Variants in PIAS1 observed in about 807,000 individuals in gnomAD.
The protein encoded by PIAS1 is protein inhibitor of activated STAT 1.
In PIAS1, 6 loss-of-function variants were observed where a neutral mutation model predicts 71.3. The observed-to-expected ratio is 0.08, with a 90% CI of 0.05 to 0.17. The LOEUF is 0.17. PIAS1 is among the 10% of genes least tolerant of loss of function. The pLI, the probability that PIAS1 is intolerant of heterozygous loss-of-function variation, is 1.00. For synonymous variants in PIAS1, 303 were observed against 292.9 expected (o/e 1.03, Z -0.35); for missense variants, 555 against 793.6 (o/e 0.70, Z 3.61).
chr15:68,074,613 T>C (rs1265031542), intron 1 of PIAS1, among the ~76,000 whole-genome samples: 1 of 152,240 alleles, frequency 6.6e-6, no homozygotes, highest in Non-Finnish European at 1.5e-5. Context: ...ATGATAAACC[T>C]CATATTTTAT....
intron 1 of PIAS1, among the ~76,000 whole-genome samples, chr15:68,060,511 GC>G (rs1158151580): frequency 2.0e-5 from 3 of 152,020 alleles, no homozygotes; most frequent in Non-Finnish European, 4.4e-5. Context: ...TACTCAGGAG[GC>G]TGAGGCAGGA....
At chr15:68,145,995 T>C in intron 5 of PIAS1, 89 bp downstream of exon 5, 1 of 818,902 alleles carries the variant, frequency 1.2e-6, no homozygotes, top group Non-Finnish European at 2.1e-6. Context: ...TAGTTTTTCC[T>C]TAAGAAAACA....
At chr15:68,069,404 C>G (rs1189910327) in intron 1 of PIAS1, among the ~76,000 whole-genome samples, 2 of 152,136 alleles carry the variant, frequency 1.3e-5, no homozygotes, top group African/African-American at 4.8e-5. Flanking sequence ...AGGTTCTTAT[C>G]CAGTCATTCT....
chr15:68,181,559 C>T, intron 12 of PIAS1: 1 of 497,042 alleles, frequency 2.0e-6, no homozygotes, highest in South Asian at 2.7e-5. Flanking sequence ...CAGTGTTTTA[C>T]TCCCAGTGGT....
intron 2 of PIAS1, among the ~76,000 whole-genome samples, chr15:68,088,176 G>GTGTATGTATATATATATA (rs150997979): frequency 1.4e-5 from 1 of 73,008 alleles, no homozygotes; most frequent in Non-Finnish European, 2.5e-5. Context: ...TTATGTGTGT[G>GTGTATGTATATATATATA]TATATATATA....
At chr15:68,179,999 A>G (rs2093044196) in intron 11 of PIAS1, among the ~76,000 whole-genome samples, 1 of 152,150 alleles carries the variant, frequency 6.6e-6, no homozygotes, top group African/African-American at 2.4e-5. Flanking sequence ...TCTATAACAC[A>G]TACACCTTCA....
Position 68,187,573 on chromosome 15 carries a change from C to T in PIAS1, c.1694C>T (p.Ala565Val), listed in dbSNP as rs1442066865. 2 of 1,613,942 alleles carry T rather than the reference C, an allele frequency of 1.2e-6. No individual in the cohort carries two copies. The highest frequency in any genetic ancestry group is 1.7e-6 in the Non-Finnish European group (2 of 1,179,824). ...HYNTSLLAAA[A>V]AAVSDDQDLL... ...AACACCTCCTTGCTTGCCGCTGCAG[C>T]AGCAGCAGTTTCAGATGATCAAGAC... The change falls in exon 14 of 14, where the codon GCA (alanine) becomes GTA (valine). Residue 565 changes from alanine to valine, a missense_variant. Ala to Val is a moderately conservative substitution (Grantham distance 64). This residue lies in a region of PIAS1 where 244 missense variants were observed against 307.5 expected (regional missense o/e 0.79). Coordinates refer to ENST00000249636, the MANE Select transcript of PIAS1 (RefSeq NM_016166.3). The surrounding 1 kb of genome is among the most constrained non-coding windows in gnomAD (Gnocchi z 5.3).
chr15:68,181,270 G>A lies in PIAS1; in HGVS notation c.1540G>A (p.Val514Ile), dbSNP rs1243691175. The A allele has an allele frequency of 2.5e-6, 4 of 1,613,566 alleles. No individual in the cohort carries two copies. The highest frequency in any genetic ancestry group is 2.5e-6 in the Non-Finnish European group (3 of 1,179,578). ...PVSRTPSLPAVDTSYINTSLI... is the reference protein window; with the variant it reads ...PVSRTPSLPAIDTSYINTSLI... ...ATCCCGCACCCCAAGCCTTCCTGCT[G>A]TAGACACAAGCTACATTAATACCTC... The change falls in exon 12 of 14, where the codon GTA (valine) becomes ATA (isoleucine). Residue 514 changes from valine to isoleucine, a missense_variant. Coordinates refer to ENST00000249636, the MANE Select transcript of PIAS1 (RefSeq NM_016166.3).
chr15:68,116,593 T>C (rs1186703253), intron 2 of PIAS1, among the ~76,000 whole-genome samples: 1 of 152,118 alleles, frequency 6.6e-6, no homozygotes, highest in East Asian at 1.9e-4. Flanking sequence ...TGCTCTGATC[T>C]TTATTATTTT....
chr15:68,147,732 ATATATGTG>A (rs2092818257), intron 6 of PIAS1, among the ~76,000 whole-genome samples: 2 of 152,118 alleles, frequency 1.3e-5, no homozygotes. Flanking sequence ...TTCATATTAA[ATATATGTG>A]TGATGTGAGG....
At chr15:68,165,683 G>T (rs2092953170) in intron 8 of PIAS1, among the ~76,000 whole-genome samples, 1 of 152,172 alleles carries the variant, frequency 6.6e-6, no homozygotes, top group African/African-American at 2.4e-5. Context: ...ACCTGTAAGG[G>T]AAAAGGTCTC....
At chr15:68,105,043 A>T (rs1332757819) in intron 2 of PIAS1, among the ~76,000 whole-genome samples, 1 of 152,180 alleles carries the variant, frequency 6.6e-6, no homozygotes, top group Non-Finnish European at 1.5e-5. Context: ...TAGGTTTAAG[A>T]AAATCTGATG....
At chr15:68,162,762 G>A (rs1437416952) in intron 7 of PIAS1, among the ~76,000 whole-genome samples, 1 of 152,166 alleles carries the variant, frequency 6.6e-6, no homozygotes, top group East Asian at 1.9e-4. Context: ...TCTTTTTAAA[G>A]ATGGGGTCTT....
Position 68,176,676 on chromosome 15 carries a change from A to C in PIAS1, c.1481+22A>C, listed in dbSNP as rs199976881. 138 of 1,487,450 alleles carry C rather than the reference A, an allele frequency of 9.3e-5. 1 individual carries two copies. In the East Asian group the frequency reaches 3.2e-3, roughly 35 times the overall value. 92.1% of individuals were successfully genotyped at this position (1,487,450 alleles called of 1,614,324 possible). ...AAGGGTAAGTGCTGAGACATTTAAA[A>C]AAAAAAGTAATCATGAAAATTAACT... On this transcript the variant is annotated intron_variant, in intron 11 of 13. Coordinates refer to ENST00000249636, the MANE Select transcript of PIAS1 (RefSeq NM_016166.3).
intron 2 of PIAS1, among the ~76,000 whole-genome samples, chr15:68,100,838 G>A (rs2092417386): frequency 6.6e-6 from 1 of 150,656 alleles, no homozygotes; most frequent in Non-Finnish European, 1.5e-5. Context: ...CTATTTTTTA[G>A]TTTTGCCATT....
At chr15:68,078,699 G>A (rs532635446) in intron 1 of PIAS1, among the ~76,000 whole-genome samples, 2 of 152,268 alleles carry the variant, frequency 1.3e-5, no homozygotes, top group East Asian at 3.9e-4. Flanking sequence ...TAGATGTAAT[G>A]TCAGTTTTCT....
Position 68,191,189 on chromosome 15 carries a change from A to C in PIAS1, c.*3354A>C, listed in dbSNP as rs1323335348. On this transcript the variant is annotated 3_prime_UTR_variant, in exon 14 of 14. Transcript: ENST00000249636. Reference sequence around the variant, plus strand: ...GTGTGCTGCTGTTAATTGTTTAACAAAGGGGAAAATGTACATAAACAGATA... The same window carrying C: ...GTGTGCTGCTGTTAATTGTTTAACACAGGGGAAAATGTACATAAACAGATA... 1 of 152,652 alleles carries C rather than the reference A, an allele frequency of 6.6e-6. No homozygotes were observed. The highest frequency in any genetic ancestry group is 1.5e-5 in the Non-Finnish European group (1 of 68,038). The allele number at this position is 152,652 out of a possible 1,614,324, so 9.5% of individuals were successfully genotyped here.
At chr15:68,087,474 A>T (rs961739453) in intron 2 of PIAS1, among the ~76,000 whole-genome samples, 1 of 152,228 alleles carries the variant, frequency 6.6e-6, no homozygotes. Context: ...TAATATATTT[A>T]AAATATCAGA....
intron 2 of PIAS1, among the ~76,000 whole-genome samples, chr15:68,102,737 T>C (rs976515405): frequency 4.6e-5 from 7 of 152,206 alleles, no homozygotes; most frequent in African/African-American, 1.7e-4. Flanking sequence ...AGTTCACTTA[T>C]AGTTCTAGGA....
Sources: allele counts gnomAD v4.1 joint callset (sites outside exome capture counted in the v4.1 genomes callset), GRCh38; gene constraint gnomAD v4.1.1; regional missense constraint gnomAD v4.1.1; non-coding constraint Gnocchi (gnomAD v3.1); transcripts MANE v1.5; gene names NCBI Gene and HGNC (gene_info 2026-07-23, HGNC 2026-07-21).